ADGRV1: variants seen among roughly 807,000 people sequenced by gnomAD.
The protein encoded by ADGRV1 is adhesion G protein-coupled receptor V1, also known as G-protein coupled receptor 98.
A neutral mutation model predicts 596.2 loss-of-function variants in ADGRV1; 359 were observed. The observed-to-expected ratio is 0.60, with a 90% confidence interval of 0.55 to 0.66. The LOEUF is 0.66. Among genes scored for constraint, ADGRV1 ranks in the 30% least tolerant of loss-of-function variants. The pLI, the probability that ADGRV1 is intolerant of heterozygous loss-of-function variation, is 0.00. For missense variants in ADGRV1, 7,274 were observed against 7,575.6 expected (o/e 0.96, Z 1.48); for synonymous variants, 2,681 against 2,679.2 (o/e 1.00, Z -0.02).
At chr5:90,866,795 T>C (rs1044882272) in intron 83 of ADGRV1, among the ~76,000 whole-genome samples, 1 of 152,178 alleles carries the variant, frequency 6.6e-6, no homozygotes, top group Non-Finnish European at 1.5e-5. Context: ...GCATTAAGTG[T>C]GTTATTGATA....
chr5:91,137,006 A>G (rs1283822854), intron 87 of ADGRV1, among the ~76,000 whole-genome samples: 1 of 152,218 alleles, frequency 6.6e-6, no homozygotes, highest in African/African-American at 2.4e-5. Flanking sequence ...CTGTTTAAAA[A>G]TGTACTTTTT....
chr5:90,947,923 C>T (rs1776732235), intron 83 of ADGRV1, among the ~76,000 whole-genome samples: 1 of 152,022 alleles, frequency 6.6e-6, no homozygotes, highest in Non-Finnish European at 1.5e-5. Context: ...TTAAAAGATT[C>T]AATGTGACAC....
In ADGRV1 at chr5:90,783,983, A is replaced by G. The variant is rs777190245; in HGVS notation, c.13579A>G (p.Ile4527Val). Residue 4527 changes from isoleucine (I) to valine (V), a missense_variant, in exon 67 of 90, where the codon ATT becomes GTT. Physicochemically the swap from Ile to Val is conservative, Grantham distance 29. Around this residue, in one of 5 missense-constraint regions of ADGRV1, gnomAD observed 3,643 missense variants for 3,809.2 expected, o/e 0.96. Transcript: ENST00000405460. Reference sequence around the variant, plus strand: ...GTTTCTCAATCAAAGCAAAATTTCTATTGCTAATCCCAATTCCACAATGAT... The same window carrying G: ...GTTTCTCAATCAAAGCAAAATTTCTGTTGCTAATCCCAATTCCACAATGAT... ...IRFLNQSKIS[I>V]ANPNSTMILS... is the part of the protein sequence containing the mutation. 19 of 1,612,576 alleles carry G rather than the reference A, an allele frequency of 1.2e-5. No homozygotes were observed. Among genetic ancestry groups the G allele is most frequent in the South Asian group, 7.7e-5 (7 of 90,774 alleles).
chr5:90,587,690 T>C (rs1026927780), intron 1 of ADGRV1, among the ~76,000 whole-genome samples: 2 of 151,918 alleles, frequency 1.3e-5, no homozygotes, highest in Admixed American at 6.6e-5. Context: ...CCTGAGAAGC[T>C]GATACTACAG....
In ADGRV1 at chr5:90,558,912, G is replaced by A. The variant is rs1189569520; in HGVS notation, c.17G>A (p.Gly6Glu). The A allele has an allele frequency of 1.3e-6, 2 of 1,558,390 alleles. No individual in the cohort carries two copies. The highest frequency in any genetic ancestry group is 2.4e-5 in the East Asian group (1 of 41,886). ...AGCGCGCGGATGTCGGTGTTCCTGG[G>A]GCCAGGTAGGCTATGGCTGAGGGGT... MSVFL[G>E]PGMPSASLLV... is the part of the protein sequence containing the mutation. The change falls in exon 1 of 90, where the codon GGG (glycine) becomes GAG (glutamate). Residue 6 changes from glycine to glutamate, a missense_variant. By Grantham distance (98) the Gly-to-Glu change is moderately conservative. Around this residue, in one of 5 missense-constraint regions of ADGRV1, gnomAD observed 1,715 missense variants for 1,708.8 expected, o/e 1.00. Transcript: ENST00000405460.
chr5:90,668,760 T>C (rs1771988437), intron 21 of ADGRV1, among the ~76,000 whole-genome samples: 1 of 151,916 alleles, frequency 6.6e-6, no homozygotes, highest in Non-Finnish European at 1.5e-5. Flanking sequence ...CGTGTAACTG[T>C]ACATTCTTTT....
intron 6 of ADGRV1, 92 bp from the exon 7 acceptor site, chr5:90,627,119 T>G (rs1343177534): frequency 1.5e-6 from 1 of 651,124 alleles, no homozygotes; most frequent in Non-Finnish European, 2.5e-6. Flanking sequence ...TTCTATGTAA[T>G]TGTATTGAAA....
rs545695720 is a variant in ADGRV1, at chr5:91,048,522, C to T, written c.18153-23925C>T. Among the ~76,000 whole-genome samples the T allele has an allele frequency of 3.3e-5, 5 of 152,294 alleles. No individual in the cohort carries two copies. In the South Asian group the frequency reaches 1.0e-3, roughly 32 times the overall value. ...AACTCTTCATCCCTTCCCCTCAGCT[C>T]CAGGGGACACACAGTTACTTCTACA... On this transcript the variant is annotated intron_variant, in intron 85 of 89. Coordinates refer to ENST00000405460, the MANE Select transcript of ADGRV1 (RefSeq NM_032119.4).
At chr5:90,614,621 C>A in intron 1 of ADGRV1, 1 of 579,138 alleles carries the variant, frequency 1.7e-6, no homozygotes, top group Non-Finnish European at 3.2e-6. Context: ...AAAAGTACTT[C>A]TGAATAGTAG....
At chr5:90,795,589 C>G (rs948647836) in intron 70 of ADGRV1, among the ~76,000 whole-genome samples, 1 of 152,150 alleles carries the variant, frequency 6.6e-6, no homozygotes, top group Admixed American at 6.5e-5. Flanking sequence ...ACTTAAACTT[C>G]CCTGCCTGAC....
rs768262653 is a variant in ADGRV1, at chr5:90,840,878, C to A, written c.16912C>A (p.Pro5638Thr). Residue 5638 changes from proline (P) to threonine (T), a missense_variant, in exon 78 of 90, where the codon CCT (proline) becomes ACT (threonine). Pro to Thr is a conservative substitution (Grantham distance 38, BLOSUM62 -1). This residue lies in a region of ADGRV1 where 1,874 missense variants were observed against 1,970.2 expected (regional missense o/e 0.95). Transcript: ENST00000405460. ...IWGLADQLHQ[P>T]VNDDILNRVL... ...GGGGCTTGCAGATCAGCTACATCAG[C>A]CTGTGAATGATGATATTCTCAACAG... 1.1e-5 allele frequency: 18 copies of A among 1,605,008 alleles called. No homozygotes were observed. The highest frequency in any genetic ancestry group is 5.0e-5 in the Admixed American group (3 of 59,502).
chr5:90,596,108 G>C (rs1313449838), intron 1 of ADGRV1, among the ~76,000 whole-genome samples: 1 of 149,858 alleles, frequency 6.7e-6, no homozygotes, highest in East Asian at 2.0e-4. Flanking sequence ...TCAACTCCCA[G>C]ATGGGGTGGC....
At chr5:90,800,507 A>G (rs1450790676) in intron 70 of ADGRV1, among the ~76,000 whole-genome samples, 1 of 152,216 alleles carries the variant, frequency 6.6e-6, no homozygotes, top group African/African-American at 2.4e-5. Context: ...ATTGTGGAAG[A>G]CAGTGTGACG....
chr5:90,697,806 G>T (rs1317305306), intron 34 of ADGRV1, among the ~76,000 whole-genome samples: 1 of 151,966 alleles, frequency 6.6e-6, no homozygotes, highest in Non-Finnish European at 1.5e-5. Context: ...GCCTGTTTTG[G>T]GGTAAATAGG....
At chr5:90,730,067 C>T (rs1031755876) in intron 50 of ADGRV1, among the ~76,000 whole-genome samples, 6 of 152,078 alleles carry the variant, frequency 3.9e-5, no homozygotes, top group African/African-American at 9.7e-5. Flanking sequence ...GGGGTTTCAC[C>T]GTGTTAGCCA....
At position 90,584,788 on chromosome 5, in the gene ADGRV1, G is replaced by A. The variant is rs538174617; in HGVS notation, c.22+25871G>A. On this transcript the variant is annotated intron_variant, in intron 1 of 89. Transcript: ENST00000405460. ...GAAAGCCAGCCTGTCTTTGCTAGAAGTAAATACAGTATTAAGTTCTACTAT... is the reference window on the plus strand; with the variant it reads ...GAAAGCCAGCCTGTCTTTGCTAGAAATAAATACAGTATTAAGTTCTACTAT... 4.6e-5 allele frequency among the ~76,000 whole-genome samples: 7 copies of A among 152,300 alleles called. No individual in the cohort carries two copies. The East Asian group carries it at 1.2e-3, about 25-fold the overall frequency.
chr5:90,778,168 G>A, intron 62 of ADGRV1, 125 bp downstream of exon 62: 2 of 1,126,836 alleles, frequency 1.8e-6, no homozygotes, highest in South Asian at 3.1e-5. Flanking sequence ...GGATGGGGAG[G>A]AGGTAAATAT....
chr5:90,716,573 T>G lies in ADGRV1; in HGVS notation c.9291T>G (p.Ser3097Arg), dbSNP rs727505041. The stretch of plus-strand genomic sequence containing the variant: ...CAACAGCTCTCTACGTCCAGGAGAG[T>G]GTTGCAGTATTGTACATTGTTCGGG... ...REPTALYVQE[S>R]VAVLYIVREP... The change falls in exon 43 of 90, where the codon AGT (serine) becomes AGG (arginine). Residue 3097 changes from serine to arginine, a missense_variant. Transcript: ENST00000405460. 40 of 1,613,518 alleles carry G rather than the reference T, an allele frequency of 2.5e-5. No individual in the cohort carries two copies. Among genetic ancestry groups the G allele is most frequent in the Non-Finnish European group, 3.2e-5 (38 of 1,179,726 alleles).
chr5:90,573,130 C>T (rs1756765336), intron 1 of ADGRV1, among the ~76,000 whole-genome samples: 1 of 151,974 alleles, frequency 6.6e-6, no homozygotes, highest in South Asian at 2.1e-4. Flanking sequence ...TCAGTTTTTC[C>T]CTTCAGCACT....
Sources: gnomAD v4.1 joint callset for allele counts (sites outside exome capture counted in the v4.1 genomes callset) on GRCh38, gnomAD v4.1.1 for gene constraint, gnomAD v4.1.1 regional missense constraint, MANE v1.5 for transcripts, NCBI Gene and HGNC (gene_info 2026-07-23, HGNC 2026-07-21) for gene names.